The following HHIP variants were observed in gnomAD, a reference collection of about 807,000 sequenced individuals.
HHIP encodes hedgehog-interacting protein.
Under a neutral mutation model 74.0 loss-of-function variants are expected in HHIP, and 12 were observed. That is an observed-to-expected ratio of 0.16 (90% CI 0.10 to 0.26). The LOEUF is 0.26. Ranked by LOEUF, HHIP falls within the 10% of genes least tolerant of loss-of-function variation. HHIP has a pLI of 1.00. For missense variants in HHIP, 788 were observed against 845.0 expected (o/e 0.93, Z 0.84); for synonymous variants, 309 against 311.6 (o/e 0.99, Z 0.09).
At chr4:144,691,554 G>A (rs187991477) in intron 4 of HHIP, among the ~76,000 whole-genome samples, 12 of 152,128 alleles carry the variant, frequency 7.9e-5, no homozygotes, top group Admixed American at 6.5e-4. Flanking sequence ...TTGCTAATGT[G>A]CTTGTATTTC....
chr4:144,707,011 A>G (rs1160574064), intron 5 of HHIP, 76 bp from the exon 6 acceptor site: 1 of 1,249,062 alleles, frequency 8.0e-7, no homozygotes. Context: ...TTTTTCATTT[A>G]TATACTATTC....
chr4:144,739,364 G>A lies in HHIP; in HGVS notation c.*1407G>A, dbSNP rs1159032759. ...CTCATGACAAGTGCACACCCACTAT[G>A]GCTGTCCTTCTTCTGTAAACATCCA... On this transcript the variant is annotated 3_prime_UTR_variant, in exon 13 of 13. Coordinates refer to ENST00000296575, the MANE Select transcript of HHIP (RefSeq NM_022475.3). The A allele has an allele frequency of 6.6e-6, 1 of 152,190 alleles. No individual in the cohort carries two copies. Among genetic ancestry groups the A allele is most frequent in the Non-Finnish European group, 1.5e-5 (1 of 68,028 alleles). The allele number at this position is 152,190 out of a possible 1,614,324, so 9.4% of individuals were successfully genotyped here. A position where few individuals can be genotyped will look rare whatever the true frequency, so the allele number is the denominator to read the frequency against.
At chr4:144,728,912 T>C (rs1411954325) in intron 11 of HHIP, among the ~76,000 whole-genome samples, 1 of 152,204 alleles carries the variant, frequency 6.6e-6, no homozygotes, top group Non-Finnish European at 1.5e-5. Context: ...AAAATGGCTA[T>C]GTGTAGTCTC....
intron 10 of HHIP, among the ~76,000 whole-genome samples, chr4:144,717,822 T>C (rs1453454669): frequency 1.3e-5 from 2 of 152,188 alleles, no homozygotes; most frequent in African/African-American, 4.8e-5. Flanking sequence ...TTTGATGTAC[T>C]TTCATGTCTT....
intron 10 of HHIP, among the ~76,000 whole-genome samples, chr4:144,718,576 A>G (rs1730527047): frequency 1.3e-5 from 2 of 152,200 alleles, no homozygotes; most frequent in African/African-American, 4.8e-5. Context: ...TTGAGAATAC[A>G]CACAGAAGAA....
chr4:144,707,757 G>C (rs1057019680), intron 6 of HHIP, among the ~76,000 whole-genome samples: 1 of 150,732 alleles, frequency 6.6e-6, no homozygotes. Flanking sequence ...CCACAATAAG[G>C]AATTTATTTT....
rs374340807 is a variant in HHIP, at chr4:144,731,009, T to C, written c.1761-3732T>C. On this transcript the variant is annotated intron_variant, in intron 11 of 12. Transcript: ENST00000296575. ...GCCTTCGGTTTATTTACTATGATTA[T>C]AATTATTATCAAAATGCATCTTTCA... Among the ~76,000 whole-genome samples the C allele has an allele frequency of 1.2e-4, 18 of 152,302 alleles. No individual in the cohort carries two copies. In the South Asian group the frequency reaches 3.7e-3, roughly 32 times the overall value.
chr4:144,652,701 C>T lies in HHIP; in HGVS notation c.376C>T (p.Pro126Ser). 2 of 1,611,506 alleles carry T rather than the reference C, an allele frequency of 1.2e-6. No homozygotes were observed. Among genetic ancestry groups the T allele is most frequent in the Non-Finnish European group, 1.7e-6 (2 of 1,177,740 alleles). ...ACATTCTCAAAGCCTGTTCCACTCA[C>T]CTGAGAGAGAAGTCTTGGAAAGAGA... ...SPHSQSLFHSPEREVLERDLV... is the reference protein window; with the variant it reads ...SPHSQSLFHSSEREVLERDLV... Residue 126 changes from proline (P) to serine (S), a missense_variant, in exon 2 of 13, where the codon CCT (proline) becomes TCT (serine). Pro to Ser is a moderately conservative substitution (Grantham distance 74). Coordinates refer to ENST00000296575, the MANE Select transcript of HHIP (RefSeq NM_022475.3).
rs200709923 is a variant in HHIP, at chr4:144,646,636, C to G, written c.-40C>G. ...CCCTGCTGGGCAGTGGCGTTCCCCC[C>G]CATCCTCCCGCGCCCAGCCCCTGCT... On this transcript the variant is annotated 5_prime_UTR_variant, in exon 1 of 13. Coordinates refer to ENST00000296575, the MANE Select transcript of HHIP (RefSeq NM_022475.3). 2.7e-5 allele frequency: 43 copies of G among 1,591,270 alleles called. No homozygotes were observed. In the African/African-American group the frequency reaches 4.7e-4, roughly 17 times the overall value.
intron 4 of HHIP, among the ~76,000 whole-genome samples, chr4:144,697,157 CTTA>C (rs1729843610): frequency 6.6e-6 from 1 of 151,888 alleles, no homozygotes; most frequent in African/African-American, 2.4e-5. Context: ...CAAGAATATT[CTTA>C]TAGTTTTGTT....
chr4:144,668,192 C>T (rs940761094), intron 4 of HHIP, among the ~76,000 whole-genome samples: 3 of 152,008 alleles, frequency 2.0e-5, no homozygotes, highest in East Asian at 3.9e-4. Context: ...TGGCAGATGC[C>T]TATAATCCCA....
intron 9 of HHIP, 86 bp downstream of exon 9, chr4:144,714,434 G>C (rs1730392585): frequency 1.5e-6 from 2 of 1,358,256 alleles, no homozygotes; most frequent in Admixed American, 3.5e-5. Context: ...ATATTCAAAT[G>C]ATTGTCTCTT....
At position 144,714,254 on chromosome 4, in the gene HHIP, C is replaced by T. The variant is rs1420559966; in HGVS notation, c.1453C>T (p.Pro485Ser). Residue 485 changes from proline to serine, a missense_variant, in exon 9 of 13, where the codon CCA (proline) becomes TCA (serine). Transcript: ENST00000296575. The part of the protein sequence containing the change: ...ESEPSLLEFK[P>S]FSNGPLVGGF... The stretch of plus-strand genomic sequence containing the variant: ...TGAGCCATCACTTTTAGAATTCAAG[C>T]CATTCAGTAATGGTCCTTTGGTTGG... 1 of 1,612,704 alleles carries T rather than the reference C, an allele frequency of 6.2e-7. No individual in the cohort carries two copies. Among genetic ancestry groups the T allele is most frequent in the Admixed American group, 1.7e-5 (1 of 59,944 alleles).
chr4:144,705,750 A>G lies in HHIP; in HGVS notation c.832-781A>G, dbSNP rs544805402. Among the ~76,000 whole-genome samples the G allele has an allele frequency of 1.2e-4, 19 of 152,346 alleles. No homozygotes were observed. The South Asian group carries it at 3.9e-3, about 32-fold the overall frequency. ...TTATAGCATTTGGCATGCCTAATGT[A>G]TACAATCCTTGACATTCATATAATA... On this transcript the variant is annotated intron_variant, in intron 4 of 12. Coordinates refer to ENST00000296575, the MANE Select transcript of HHIP (RefSeq NM_022475.3).
At chr4:144,700,814 A>T (rs1729958525) in intron 4 of HHIP, among the ~76,000 whole-genome samples, 1 of 152,248 alleles carries the variant, frequency 6.6e-6, no homozygotes, top group African/African-American at 2.4e-5. Context: ...TAAAAAATTT[A>T]TGTTATTTCA....
At chr4:144,691,193 T>C (rs781685529) in intron 4 of HHIP, among the ~76,000 whole-genome samples, 9 of 152,204 alleles carry the variant, frequency 5.9e-5, no homozygotes, top group Admixed American at 2.0e-4. Flanking sequence ...ACTTCCTTTA[T>C]CGTTTTCACA....
chr4:144,659,782 G>C lies in HHIP; in HGVS notation c.775G>C (p.Glu259Gln), dbSNP rs1378560908. Reference sequence around the variant, plus strand: ...TGTGAAGATACTTACCCCTGAAGGAGAAATTTTCAAGGAGCCTTATTTGGA... The same window carrying C: ...TGTGAAGATACTTACCCCTGAAGGACAAATTTTCAAGGAGCCTTATTTGGA... ...GYVKILTPEG[E>Q]IFKEPYLDIH... is the part of the protein sequence containing the mutation. Residue 259 changes from glutamate (E) to glutamine (Q), a missense_variant, in exon 4 of 13, where the codon GAA (glutamate) becomes CAA (glutamine). Physicochemically the swap from Glu to Gln is conservative, Grantham distance 29. This residue lies in a region of HHIP where 373 missense variants were observed against 366.4 expected (regional missense o/e 1.02). Coordinates refer to ENST00000296575, the MANE Select transcript of HHIP (RefSeq NM_022475.3). 3 of 1,611,766 alleles carry C rather than the reference G, an allele frequency of 1.9e-6. No individual in the cohort carries two copies. In the South Asian group the frequency reaches 3.3e-5, roughly 18 times the overall value.
intron 4 of HHIP, among the ~76,000 whole-genome samples, chr4:144,691,438 G>C (rs1346779044): frequency 6.6e-6 from 1 of 152,144 alleles, no homozygotes; most frequent in Non-Finnish European, 1.5e-5. Flanking sequence ...CAAGGCAATT[G>C]GTTGATGTTG....
intron 4 of HHIP, among the ~76,000 whole-genome samples, chr4:144,705,941 C>G (rs548336002): frequency 6.6e-6 from 1 of 152,310 alleles, no homozygotes; most frequent in Non-Finnish European, 1.5e-5. Context: ...GTAAAACTGC[C>G]TCATTTCTAG....
Sources: gnomAD v4.1 joint callset for allele counts (sites outside exome capture counted in the v4.1 genomes callset) on GRCh38, gnomAD v4.1.1 for gene constraint, gnomAD v4.1.1 regional missense constraint, MANE v1.5 for transcripts, NCBI Gene and HGNC (gene_info 2026-07-23, HGNC 2026-07-21) for gene names.